SEPTIN9: variants seen among roughly 807,000 people sequenced by gnomAD.
The protein encoded by SEPTIN9 is septin-9.
Under a neutral mutation model 56.6 loss-of-function variants are expected in SEPTIN9, and 13 were observed. That is an observed-to-expected ratio of 0.23 (90% CI 0.15 to 0.37). The LOEUF (loss-of-function observed/expected upper bound fraction) is 0.37. Among genes scored for constraint, SEPTIN9 ranks in the 10% least tolerant of loss-of-function variants. SEPTIN9 has a pLI of 1.00. For missense variants in SEPTIN9, 650 were observed against 823.1 expected (o/e 0.79, Z 2.57); for synonymous variants, 332 against 334.1 (o/e 0.99, Z 0.07).
intron 3 of SEPTIN9, among the ~76,000 whole-genome samples, chr17:77,403,911 C>T (rs1311009453): frequency 6.6e-6 from 1 of 152,188 alleles, no homozygotes; most frequent in African/African-American, 2.4e-5. Context: ...TGAGCTCCGT[C>T]CCCGTTAGAC....
intron 1 of SEPTIN9, among the ~76,000 whole-genome samples, chr17:77,283,636 G>A (rs2031138555): frequency 6.6e-6 from 1 of 152,184 alleles, no homozygotes; most frequent in Non-Finnish European, 1.5e-5. Context: ...AGACTGTGCG[G>A]GATTATTGCT....
At chr17:77,320,430 T>G in intron 2 of SEPTIN9, 1 of 1,233,088 alleles carries the variant, frequency 8.1e-7, no homozygotes, top group Non-Finnish European at 1.2e-6. Flanking sequence ...GGAATAAGCA[T>G]GCAAAGGGCG....
At chr17:77,344,070 C>T (rs951119604) in intron 2 of SEPTIN9, among the ~76,000 whole-genome samples, 2 of 152,072 alleles carry the variant, frequency 1.3e-5, no homozygotes, top group Admixed American at 1.3e-4. Context: ...AGGAATACTA[C>T]CAATGGCGTG....
intron 2 of SEPTIN9, among the ~76,000 whole-genome samples, chr17:77,308,853 C>T (rs1445832136): frequency 1.3e-5 from 2 of 152,178 alleles, no homozygotes; most frequent in Non-Finnish European, 2.9e-5. Flanking sequence ...GAGGGGATGC[C>T]GTGTCCACAT....
chr17:77,495,805 C>T (rs780129791), intron 10 of SEPTIN9, among the ~76,000 whole-genome samples: 1 of 152,216 alleles, frequency 6.6e-6, no homozygotes, highest in Non-Finnish European at 1.5e-5. Context: ...ACTGAGAGCA[C>T]TTGAGGGCTG....
rs571256240 is a variant in SEPTIN9 at position 77,465,241 on chromosome 17, G to A, written c.722-16903G>A. Among the ~76,000 whole-genome samples the A allele has an allele frequency of 5.6e-4, 86 of 152,354 alleles. 1 individual carries two copies. The South Asian group carries it at 7.2e-3, about 13-fold the overall frequency. On this transcript the variant is annotated intron_variant, in intron 3 of 11. Coordinates refer to ENST00000427177, the MANE Select transcript of SEPTIN9 (RefSeq NM_001113491.2). The stretch of plus-strand genomic sequence containing the variant: ...CACACTGTGTATCTCTTCATCTGCT[G>A]ATGGACATTTGGGTTGTTTCTGCTT...
rs1406444141 is a variant in SEPTIN9, at chr17:77,476,024, G to A, written c.722-6120G>A. ...GCACTTTGTCCTGGGGTGCAGGCCC[G>A]GCTGTCACTCCCCTGGAGCTGGGAA... On this transcript the variant is annotated intron_variant, in intron 3 of 11. Coordinates refer to ENST00000427177, the MANE Select transcript of SEPTIN9 (RefSeq NM_001113491.2). The surrounding 1 kb of genome is among the most constrained non-coding windows in gnomAD (Gnocchi z 6.0). The A allele has an allele frequency of 6.7e-6, 7 of 1,045,346 alleles. No individual in the cohort carries two copies. The highest frequency in any genetic ancestry group is 8.4e-6 in the Non-Finnish European group (6 of 711,712). 64.8% of individuals were successfully genotyped at this position (1,045,346 alleles called of 1,614,324 possible).
At chr17:77,460,266 G>C (rs1302491511) in intron 3 of SEPTIN9, among the ~76,000 whole-genome samples, 2 of 152,152 alleles carry the variant, frequency 1.3e-5, no homozygotes, top group East Asian at 3.8e-4. Context: ...GGGATGGGAG[G>C]CTGGTCCCCC....
Position 77,425,395 on chromosome 17 carries a change from G to A in SEPTIN9, c.721+22692G>A, listed in dbSNP as rs772593404. Among the ~76,000 whole-genome samples the A allele has an allele frequency of 1.3e-5, 2 of 152,204 alleles. No individual in the cohort carries two copies. Among genetic ancestry groups the A allele is most frequent in the African/African-American group, 2.4e-5 (1 of 41,446 alleles). On this transcript the variant is annotated intron_variant, in intron 3 of 11. Transcript: ENST00000427177. The surrounding 1 kb of genome is among the most constrained non-coding windows in gnomAD (Gnocchi z 4.2). ...CCGCACCTGAGGGCTTCAGAGGTCC[G>A]GGAGGGGGATGTGACCGTGTCCCCA...
intron 3 of SEPTIN9, among the ~76,000 whole-genome samples, chr17:77,448,020 T>C (rs1414777215): frequency 6.6e-6 from 1 of 152,216 alleles, no homozygotes; most frequent in East Asian, 1.9e-4. Flanking sequence ...CACCAGTGTC[T>C]TATGAGAGAT....
At chr17:77,392,409 C>T (rs1299395838) in intron 2 of SEPTIN9, among the ~76,000 whole-genome samples, 2 of 152,370 alleles carry the variant, frequency 1.3e-5, no homozygotes, top group Middle Eastern at 3.4e-3. Context: ...ACGCTCCCTG[C>T]ACCTCCATCC....
At chr17:77,316,250 C>G (rs1012376211) in intron 2 of SEPTIN9, among the ~76,000 whole-genome samples, 5 of 152,130 alleles carry the variant, frequency 3.3e-5, no homozygotes, top group African/African-American at 1.2e-4. Flanking sequence ...AGAGGTTGGC[C>G]CTCGCCTCCC....
At chr17:77,461,220 C>A (rs2038459014) in intron 3 of SEPTIN9, among the ~76,000 whole-genome samples, 2 of 152,084 alleles carry the variant, frequency 1.3e-5, no homozygotes, top group Admixed American at 1.3e-4. Context: ...GCAGGAGAAT[C>A]ACTCAAATCC....
rs1448535456 is a variant in SEPTIN9 at position 77,486,513 on chromosome 17, TGTGTGTGTGCGCGCACGC to T, written c.914-909_914-892del. Among the ~76,000 whole-genome samples, 8 of 97,122 alleles carry T rather than the reference TGTGTGTGTGCGCGCACGC, an allele frequency of 8.2e-5. 1 individual carries two copies. Among genetic ancestry groups the T allele is most frequent in the Middle Eastern group, 0.015 (2 of 132 alleles). 63.7% of individuals were successfully genotyped at this position (97,122 alleles called of 152,430 possible). On this transcript the variant is annotated intron_variant, in intron 4 of 11. Coordinates refer to ENST00000427177, the MANE Select transcript of SEPTIN9 (RefSeq NM_001113491.2). The stretch of plus-strand genomic sequence containing the variant: ...GTGTGTGTGTGTGTGTGTGTGTGTG[TGTGTGTGTGCGCGCACGC>T]GCGCGCGTGTTATATGTGATTTGTT...
At chr17:77,372,058 C>CTG (rs1449244832) in intron 2 of SEPTIN9, among the ~76,000 whole-genome samples, 1 of 152,260 alleles carries the variant, frequency 6.6e-6, no homozygotes, top group African/African-American at 2.4e-5. Flanking sequence ...CCAGGATGAG[C>CTG]TGTCAGGCGC....
chr17:77,499,869 C>T lies in SEPTIN9; in HGVS notation c.*1211C>T, dbSNP rs2040431737. The T allele has an allele frequency of 2.1e-5, 6 of 290,466 alleles. No individual in the cohort carries two copies. The highest frequency in any genetic ancestry group is 3.9e-5 in the Non-Finnish European group (6 of 152,376). 18.0% of individuals were successfully genotyped at this position (290,466 alleles called of 1,614,324 possible). On this transcript the variant is annotated 3_prime_UTR_variant, in exon 12 of 12. Coordinates refer to ENST00000427177, the MANE Select transcript of SEPTIN9 (RefSeq NM_001113491.2). ...CCCCTCCCCTCAGAGCCCATGGTAACGAACCCCTAGAAAGGAGAGAACGGG... is the reference window on the plus strand; with the variant it reads ...CCCCTCCCCTCAGAGCCCATGGTAATGAACCCCTAGAAAGGAGAGAACGGG...
Position 77,402,135 on chromosome 17 carries a change from A to G in SEPTIN9, c.153A>G (p.Leu51=), listed in dbSNP as rs1447337353. Residue 51 remains leucine, a synonymous_variant, in exon 3 of 12, where the codon CTA becomes CTG. Transcript: ENST00000427177. This position sits in a 1 kb window ranked among gnomAD's most constrained non-coding sequence, Gnocchi z 6.6. ...CACCCCGGAGGGTCCAGACTCCCCTACTCCGAGCCACTGTGGCCAGCTCCA... is the reference window on the plus strand; with the variant it reads ...CACCCCGGAGGGTCCAGACTCCCCTGCTCCGAGCCACTGTGGCCAGCTCCA... ...STPPRRVQTP[L]LRATVASSTQ... 2 of 1,613,032 alleles carry G rather than the reference A, an allele frequency of 1.2e-6. No individual in the cohort carries two copies. Among genetic ancestry groups the G allele is most frequent in the Non-Finnish European group, 1.7e-6 (2 of 1,179,722 alleles).
chr17:77,475,730 C>G lies in SEPTIN9; in HGVS notation c.722-6414C>G. On this transcript the variant is annotated intron_variant, in intron 3 of 11. Coordinates refer to ENST00000427177, the MANE Select transcript of SEPTIN9 (RefSeq NM_001113491.2). This position sits in a 1 kb window ranked among gnomAD's most constrained non-coding sequence, Gnocchi z 4.6. ...GGAAGTCTTCGCCGGGGCAAGGGCACCAGCTGTAGATGCCGGCAGCTTTCT... is the reference window on the plus strand; with the variant it reads ...GGAAGTCTTCGCCGGGGCAAGGGCAGCAGCTGTAGATGCCGGCAGCTTTCT... 1 of 1,613,282 alleles carries G rather than the reference C, an allele frequency of 6.2e-7. No individual in the cohort carries two copies. Among genetic ancestry groups the G allele is most frequent in the Non-Finnish European group, 8.5e-7 (1 of 1,179,888 alleles).
intron 2 of SEPTIN9, among the ~76,000 whole-genome samples, chr17:77,401,780 T>C (rs1171872550): frequency 6.6e-6 from 1 of 151,890 alleles, no homozygotes; most frequent in Admixed American, 6.5e-5. Flanking sequence ...TATGTAGACG[T>C]AGCTGGAGGG....
Sources: gnomAD v4.1 joint callset for allele counts (sites outside exome capture counted in the v4.1 genomes callset) on GRCh38, gnomAD v4.1.1 for gene constraint, Gnocchi (gnomAD v3.1) non-coding constraint, MANE v1.5 for transcripts, NCBI Gene and HGNC (gene_info 2026-07-23, HGNC 2026-07-21) for gene names.